Variants in SPAST observed in about 807,000 individuals in gnomAD.
The protein encoded by SPAST is spastic paraplegia 4 (autosomal dominant; spastin).
In SPAST, 30 loss-of-function variants were observed where a neutral mutation model predicts 76.6. The ratio of observed to expected loss-of-function variants is 0.39; its 90% CI spans 0.29 to 0.53. SPAST has a LOEUF of 0.53. SPAST is among the 20% of genes least tolerant of loss of function. SPAST has a pLI of 0.68. For synonymous variants in SPAST, 305 were observed against 281.0 expected (o/e 1.09, Z -0.86); for missense variants, 717 against 770.5 (o/e 0.93, Z 0.82).
At position 32,154,596 on chromosome 2, in the gene SPAST, G is replaced by C. The variant is rs922140387; in HGVS notation, c.*100G>C. On this transcript the variant is annotated 3_prime_UTR_variant, in exon 17 of 17. Coordinates refer to ENST00000315285, the MANE Select transcript of SPAST (RefSeq NM_014946.4). ...CTACAGAAACAGCCTAAGTTTACAGGACTTTTTAGAGTCTTACATATTTGT... is the reference window on the plus strand; with the variant it reads ...CTACAGAAACAGCCTAAGTTTACAGCACTTTTTAGAGTCTTACATATTTGT... 4.1e-6 allele frequency: 5 copies of C among 1,221,926 alleles called. No homozygotes were observed. Among genetic ancestry groups the C allele is most frequent in the Admixed American group, 1.8e-5 (1 of 55,684 alleles). The allele number at this position is 1,221,926 out of a possible 1,614,324, so 75.7% of individuals were successfully genotyped here. A position where few individuals can be genotyped will look rare whatever the true frequency, so the allele number is the denominator to read the frequency against.
chr2:32,080,766 T>C (rs1263215570), intron 1 of SPAST, among the ~76,000 whole-genome samples: 2 of 151,234 alleles, frequency 1.3e-5, no homozygotes. Context: ...TCAGTTCTTG[T>C]ATGGTCTGGC....
chr2:32,079,459 T>G (rs1168712649), intron 1 of SPAST, among the ~76,000 whole-genome samples: 1 of 151,280 alleles, frequency 6.6e-6, no homozygotes, highest in East Asian at 2.0e-4. Flanking sequence ...TGCAGTGAGA[T>G]CATACCACTG....
At chr2:32,140,068 C>T (rs1346142295) in intron 12 of SPAST, among the ~76,000 whole-genome samples, 2 of 152,040 alleles carry the variant, frequency 1.3e-5, no homozygotes, top group African/African-American at 2.4e-5. Flanking sequence ...TTTTCTTTTG[C>T]ACATAAATTA....
At chr2:32,083,761 TATATA>T (rs1677350090) in intron 1 of SPAST, among the ~76,000 whole-genome samples, 1 of 94,216 alleles carries the variant, frequency 1.1e-5, no homozygotes, top group Non-Finnish European at 2.0e-5. Context: ...TATATATATA[TATATA>T]TATATATATA....
intron 9 of SPAST, chr2:32,128,733 T>C (rs762856400): frequency 2.1e-6 from 1 of 471,272 alleles, no homozygotes. Flanking sequence ...AGCAATTTAT[T>C]GTCTCACAGT....
chr2:32,147,180 G>T (rs1259689278), intron 15 of SPAST, 38 bp from the exon 16 acceptor site: 1 of 1,506,790 alleles, frequency 6.6e-7, no homozygotes, highest in Non-Finnish European at 9.2e-7. Flanking sequence ...ACTGCAAAAT[G>T]TATGTATTTT....
chr2:32,138,090 A>G (rs1679599930), intron 12 of SPAST, among the ~76,000 whole-genome samples: 1 of 152,178 alleles, frequency 6.6e-6, no homozygotes, highest in African/African-American at 2.4e-5. Flanking sequence ...GATTGATTCT[A>G]TGTCTGCTGT....
At position 32,157,530 on chromosome 2, in the gene SPAST, AT is replaced by A. The variant is rs1680292089; in HGVS notation, c.*3038del. ...GATTTTCCTTTAAATGCTTGTCTCA[AT>A]TTTAGTCTGGTCTTTTGTACTTTTC... On this transcript the variant is annotated 3_prime_UTR_variant, in exon 17 of 17. Coordinates refer to ENST00000315285, the MANE Select transcript of SPAST (RefSeq NM_014946.4). 6.6e-6 allele frequency: 1 copy of A among 152,582 alleles called. No homozygotes were observed. The highest frequency in any genetic ancestry group is 2.4e-5 in the African/African-American group (1 of 41,456). 9.5% of individuals were successfully genotyped at this position (152,582 alleles called of 1,614,324 possible).
chr2:32,120,616 C>A (rs1678987251), intron 7 of SPAST, among the ~76,000 whole-genome samples: 1 of 148,426 alleles, frequency 6.7e-6, no homozygotes, highest in African/African-American at 2.5e-5. Flanking sequence ...CCTGGAACCA[C>A]CTTCTTCTTT....
intron 16 of SPAST, among the ~76,000 whole-genome samples, chr2:32,153,915 A>G (rs1240392329): frequency 2.0e-5 from 3 of 152,216 alleles, no homozygotes; most frequent in East Asian, 1.9e-4. Context: ...TGTCTCTACT[A>G]AAAATACAAA....
chr2:32,106,170 C>A (rs921894354), intron 4 of SPAST, among the ~76,000 whole-genome samples: 2 of 152,202 alleles, frequency 1.3e-5, no homozygotes, highest in African/African-American at 4.8e-5. Flanking sequence ...GCAGATGCCC[C>A]CGCCTCCAGC....
rs189778991 is a variant in SPAST at position 32,078,290 on chromosome 2, G to T, written c.416-9202G>T. Reference sequence around the variant, plus strand: ...AGGTTCAAGTGATTGTCGTGCCTCAGCCTCCCAAGTAGCTTGGGATTACAG... The same window carrying T: ...AGGTTCAAGTGATTGTCGTGCCTCATCCTCCCAAGTAGCTTGGGATTACAG... On this transcript the variant is annotated intron_variant, in intron 1 of 16. Coordinates refer to ENST00000315285, the MANE Select transcript of SPAST (RefSeq NM_014946.4). Among the ~76,000 whole-genome samples the T allele has an allele frequency of 6.2e-4, 95 of 152,236 alleles. 1 individual carries two copies. In the South Asian group the frequency reaches 0.016, roughly 26 times the overall value.
chr2:32,081,217 A>C (rs1387213618), intron 1 of SPAST, among the ~76,000 whole-genome samples: 1 of 152,000 alleles, frequency 6.6e-6, no homozygotes, highest in East Asian at 1.9e-4. Flanking sequence ...TCAGCCTCCC[A>C]AAGTGCTGGG....
intron 12 of SPAST, among the ~76,000 whole-genome samples, chr2:32,137,968 G>T (rs915745110): frequency 2.0e-5 from 3 of 152,122 alleles, no homozygotes; most frequent in Non-Finnish European, 4.4e-5. Context: ...CTCCATCCAT[G>T]TTGCTGCAAA....
At chr2:32,152,897 G>A (rs1046547655) in intron 16 of SPAST, among the ~76,000 whole-genome samples, 4 of 151,836 alleles carry the variant, frequency 2.6e-5, no homozygotes, top group Non-Finnish European at 2.9e-5. Flanking sequence ...ACAGGCGTGC[G>A]CCACCATGCC....
chr2:32,074,726 C>T (rs556093319), intron 1 of SPAST, among the ~76,000 whole-genome samples: 1 of 151,974 alleles, frequency 6.6e-6, no homozygotes, highest in African/African-American at 2.4e-5. Flanking sequence ...AGGCTGGTCT[C>T]GAACTCCGGA....
At chr2:32,096,276 A>G (rs973964764) in intron 3 of SPAST, among the ~76,000 whole-genome samples, 1 of 152,156 alleles carries the variant, frequency 6.6e-6, no homozygotes, top group Non-Finnish European at 1.5e-5. Context: ...ATCTACTAAA[A>G]TTACAAAAAT....
intron 13 of SPAST, 132 bp downstream of exon 13, chr2:32,142,078 C>T: frequency 1.4e-6 from 1 of 737,710 alleles, no homozygotes; most frequent in Non-Finnish European, 2.3e-6. Flanking sequence ...AAAAGATGTA[C>T]ATAAGCTTAC....
chr2:32,146,305 T>C (rs1679883512), intron 15 of SPAST, among the ~76,000 whole-genome samples: 1 of 152,192 alleles, frequency 6.6e-6, no homozygotes, highest in African/African-American at 2.4e-5. Context: ...ACACCTATAA[T>C]CCCAGCACTT....
Sources: gnomAD v4.1 joint callset for allele counts (sites outside exome capture counted in the v4.1 genomes callset) on GRCh38, gnomAD v4.1.1 for gene constraint, MANE v1.5 for transcripts, NCBI Gene and HGNC (gene_info 2026-07-23, HGNC 2026-07-21) for gene names.